Variants in BCAS3 observed in about 807,000 individuals in gnomAD.
BCAS3 encodes the protein BCAS3 microtubule associated cell migration factor.
In BCAS3, 53 loss-of-function variants were observed where a neutral mutation model predicts 116.1. The ratio of observed to expected loss-of-function variants is 0.46; its 90% CI spans 0.37 to 0.57. The LOEUF (loss-of-function observed/expected upper bound fraction) is 0.57, where lower values mean the gene tolerates loss of function less well. Among genes scored for constraint, BCAS3 ranks in the 20% least tolerant of loss-of-function variants. The pLI, the probability that BCAS3 is intolerant of heterozygous loss-of-function variation, is 0.00. For missense variants in BCAS3, 917 were observed against 1,165.4 expected, an observed-to-expected ratio of 0.79 and a Z score of 3.10; for synonymous variants, 391 against 408.2, an observed-to-expected ratio of 0.96 and a Z score of 0.51.
intron 7 of BCAS3, among the ~76,000 whole-genome samples, chr17:60,845,599 C>T (rs750509952): frequency 6.6e-6 from 1 of 152,168 alleles, no homozygotes; most frequent in African/African-American, 2.4e-5. Context: ...TGTCTAAGCA[C>T]ATGCCTGGGC....
chr17:60,889,209 T>A (rs2144997415), intron 9 of BCAS3, among the ~76,000 whole-genome samples: 1 of 152,286 alleles, frequency 6.6e-6, no homozygotes, highest in South Asian at 2.1e-4. Context: ...ACTTTCAGAG[T>A]TACTTGTCTT....
intron 22 of BCAS3, among the ~76,000 whole-genome samples, chr17:61,192,040 T>TTA (rs1178811019): frequency 6.7e-6 from 1 of 150,294 alleles, no homozygotes; most frequent in African/African-American, 2.4e-5. Flanking sequence ...AGGTCAGGAG[T>TTA]TTGACACCAG....
intron 4 of BCAS3, among the ~76,000 whole-genome samples, chr17:60,704,668 C>G (rs1386648360): frequency 1.3e-5 from 2 of 151,756 alleles, no homozygotes; most frequent in East Asian, 3.9e-4. Context: ...TGGTGATACC[C>G]CATCTCTACT....
At chr17:61,092,899 CTTTTTTTTTT>C (rs959718467) in intron 22 of BCAS3, among the ~76,000 whole-genome samples, 5 of 79,546 alleles carry the variant, frequency 6.3e-5, no homozygotes, top group African/African-American at 1.1e-4. Context: ...TTTGTCCAGT[CTTTTTTTTTT>C]TTTTTTTTTT....
At chr17:60,788,805 A>G (rs2046507271) in intron 6 of BCAS3, among the ~76,000 whole-genome samples, 1 of 152,142 alleles carries the variant, frequency 6.6e-6, no homozygotes, top group Non-Finnish European at 1.5e-5. Flanking sequence ...ATTTATAGAA[A>G]ATTTGGTAAG....
At chr17:60,943,461 C>A (rs1425440244) in intron 13 of BCAS3, among the ~76,000 whole-genome samples, 1 of 151,980 alleles carries the variant, frequency 6.6e-6, no homozygotes, top group Non-Finnish European at 1.5e-5. Context: ...AAAAACTAGA[C>A]CTCAGAGCAA....
Position 61,084,618 on chromosome 17 carries a change from A to G in BCAS3, c.2425+54A>G. On this transcript the variant is annotated intron_variant, in intron 22 of 23. Transcript: ENST00000407086. The surrounding 1 kb of genome is among the most constrained non-coding windows in gnomAD (Gnocchi z 5.5). ...GGGCAGTCCTGTGCATTTTTAACTA[A>G]TTTTCTCGCACAATGTAGAGGATGA... 1 of 1,396,812 alleles carries G rather than the reference A, an allele frequency of 7.2e-7. No individual in the cohort carries two copies. Among genetic ancestry groups the G allele is most frequent in the East Asian group, 2.3e-5 (1 of 43,846 alleles). The allele number at this position is 1,396,812 out of a possible 1,614,324, so 86.5% of individuals were successfully genotyped here. A position where few individuals can be genotyped will look rare whatever the true frequency, so the allele number is the denominator to read the frequency against.
intron 22 of BCAS3, among the ~76,000 whole-genome samples, chr17:61,223,325 T>G (rs2082215561): frequency 6.6e-6 from 1 of 151,432 alleles, no homozygotes; most frequent in South Asian, 2.1e-4. Context: ...CCTGGCTAAT[T>G]TTTTTTTGTA....
At chr17:60,789,394 A>C (rs1365240546) in intron 6 of BCAS3, among the ~76,000 whole-genome samples, 2 of 152,092 alleles carry the variant, frequency 1.3e-5, no homozygotes, top group African/African-American at 4.8e-5. Flanking sequence ...AACGCTTTTG[A>C]ATTTTGTTGC....
chr17:61,263,226 G>T (rs1362970214), intron 22 of BCAS3, among the ~76,000 whole-genome samples: 3 of 152,200 alleles, frequency 2.0e-5, no homozygotes, highest in Non-Finnish European at 4.4e-5. Flanking sequence ...CCCTAAGCTA[G>T]CAAAAGCAAA....
chr17:61,031,525 G>T (rs1001541338), intron 16 of BCAS3, among the ~76,000 whole-genome samples: 1 of 151,918 alleles, frequency 6.6e-6, no homozygotes, highest in Non-Finnish European at 1.5e-5. Context: ...TATTCATAAC[G>T]TTCTTTTTAT....
intron 19 of BCAS3, among the ~76,000 whole-genome samples, chr17:61,044,452 A>G (rs1379361392): frequency 7.2e-6 from 1 of 138,398 alleles, no homozygotes; most frequent in Non-Finnish European, 1.5e-5. Flanking sequence ...GTCTCAAAAA[A>G]AAAAAAAAAA....
At chr17:60,925,209 T>A (rs1003614760) in intron 13 of BCAS3, among the ~76,000 whole-genome samples, 1 of 152,158 alleles carries the variant, frequency 6.6e-6, no homozygotes, top group African/African-American at 2.4e-5. Context: ...TTGGCCAGAT[T>A]TTTTTCATTA....
intron 22 of BCAS3, among the ~76,000 whole-genome samples, chr17:61,310,399 C>G (rs953546122): frequency 4.6e-5 from 7 of 151,956 alleles, no homozygotes; most frequent in African/African-American, 1.7e-4. Context: ...ACTAAAAATA[C>G]AAAAATTAGC....
At chr17:60,819,908 G>A (rs920571962) in intron 7 of BCAS3, among the ~76,000 whole-genome samples, 1 of 151,918 alleles carries the variant, frequency 6.6e-6, no homozygotes. Flanking sequence ...GACTACAGGC[G>A]TGAGCCACCA....
At chr17:60,830,378 G>C (rs1354661226) in intron 7 of BCAS3, among the ~76,000 whole-genome samples, 1 of 152,092 alleles carries the variant, frequency 6.6e-6, no homozygotes, top group Non-Finnish European at 1.5e-5. Flanking sequence ...AAGTATAGTT[G>C]GAAAACTTAC....
rs75914013 is a variant in BCAS3 at position 61,072,676 on chromosome 17, CAAAAAAAAA to C, written c.2030-2234_2030-2226del. The stretch of plus-strand genomic sequence containing the variant: ...CATCATATTACTCGAGCTTTATTAC[CAAAAAAAAA>C]AAAAAAAAAGAAGAAAGGAAAAGCC... On this transcript the variant is annotated intron_variant, in intron 19 of 23. Coordinates refer to ENST00000407086, the MANE Select transcript of BCAS3 (RefSeq NM_017679.5). Among the ~76,000 whole-genome samples the C allele has an allele frequency of 3.8e-3, 392 of 102,368 alleles. 3 individuals carry two copies. Among genetic ancestry groups the C allele is most frequent in the African/African-American group, 0.012 (378 of 32,458 alleles). The allele number at this position is 102,368 out of a possible 152,430, so 67.2% of individuals were successfully genotyped here.
chr17:60,902,884 C>G (rs546661415), intron 11 of BCAS3, among the ~76,000 whole-genome samples, 181 bp downstream of exon 11: 1 of 152,238 alleles, frequency 6.6e-6, no homozygotes, highest in Non-Finnish European at 1.5e-5. Flanking sequence ...TTGGAAGAAG[C>G]TTTCCATGTT....
chr17:60,751,160 A>G (rs1159648755), intron 6 of BCAS3, among the ~76,000 whole-genome samples: 1 of 152,174 alleles, frequency 6.6e-6, no homozygotes, highest in African/African-American at 2.4e-5. Flanking sequence ...CCATCATTGT[A>G]TTTAATGGGC....
Sources: allele counts gnomAD v4.1 joint callset (sites outside exome capture counted in the v4.1 genomes callset), GRCh38; gene constraint gnomAD v4.1.1; non-coding constraint Gnocchi (gnomAD v3.1); transcripts MANE v1.5; gene names NCBI Gene and HGNC (gene_info 2026-07-23, HGNC 2026-07-21).